The following FIGN variants were observed in gnomAD, a reference collection of about 807,000 sequenced individuals.
FIGN encodes the protein fidgetin, microtubule severing factor.
A neutral mutation model predicts 51.3 loss-of-function variants in FIGN; 11 were observed. The ratio of observed to expected loss-of-function variants is 0.21; its 90% CI spans 0.13 to 0.35. The LOEUF is 0.35. Ranked by LOEUF, FIGN falls within the 10% of genes least tolerant of loss-of-function variation. The probability of loss-of-function intolerance (pLI) is 1.00; values close to 1 mark genes in which losing one functional copy is unlikely to be tolerated. For missense variants in FIGN, 857 were observed against 943.6 expected (o/e 0.91, Z 1.20); for synonymous variants, 407 against 363.2 (o/e 1.12, Z -1.37).
intron 2 of FIGN, among the ~76,000 whole-genome samples, chr2:163,668,023 C>CCG (rs1683812060): frequency 6.7e-6 from 1 of 149,470 alleles, no homozygotes. Flanking sequence ...AACCCCCCCC[C>CCG]CCAAAAAACC....
At chr2:163,704,731 C>T (rs1477932514) in intron 2 of FIGN, among the ~76,000 whole-genome samples, 3 of 148,038 alleles carry the variant, frequency 2.0e-5, no homozygotes, top group African/African-American at 5.0e-5. Context: ...TACTATTCAC[C>T]GTTAGTAAGA....
Position 163,610,858 on chromosome 2 carries a change from C to T in FIGN, c.974G>A (p.Gly325Glu), listed in dbSNP as rs201111311. 6.8e-6 allele frequency: 11 copies of T among 1,613,916 alleles called. No homozygotes were observed. In the Admixed American group the frequency reaches 1.5e-4, roughly 22 times the overall value. ...SLKRKAFYMA[G>E]QGDMDSSYGN... ...ATAACTGGAGTCCATATCTCCTTGCCCTGCCATGTAGAAAGCTTTCCTTTT... is the reference window on the plus strand; with the variant it reads ...ATAACTGGAGTCCATATCTCCTTGCTCTGCCATGTAGAAAGCTTTCCTTTT... Residue 325 changes from glycine to glutamate, a missense_variant, in exon 3 of 3, where the codon GGG becomes GAG. Coordinates refer to ENST00000333129, the MANE Select transcript of FIGN (RefSeq NM_018086.4).
intron 2 of FIGN, among the ~76,000 whole-genome samples, chr2:163,624,710 T>TA (rs57025851): frequency 0.58 from 67,488 of 117,050 alleles, 17,260 homozygotes; most frequent in Middle Eastern, 0.72. Flanking sequence ...ATATATATAT[T>TA]TTTTTTTTTC....
At position 163,604,663 on chromosome 2, in the gene FIGN, T is replaced by G. The variant is rs1416105939; in HGVS notation, c.*4889A>C. 6.6e-6 allele frequency: 1 copy of G among 151,872 alleles called. No homozygotes were observed. Among genetic ancestry groups the G allele is most frequent in the Non-Finnish European group, 1.5e-5 (1 of 67,954 alleles). 9.4% of individuals were successfully genotyped at this position (151,872 alleles called of 1,614,324 possible). On this transcript the variant is annotated 3_prime_UTR_variant, in exon 3 of 3. Transcript: ENST00000333129. ...TATGTAGCAATGAGGTAGAAATGGT[T>G]ATAAAGAACAATGTTTGAATATACA...
intron 2 of FIGN, among the ~76,000 whole-genome samples, chr2:163,730,962 CTTTCTA>C (rs1181972945): frequency 7.9e-5 from 12 of 152,078 alleles, no homozygotes; most frequent in African/African-American, 2.9e-4. Context: ...AAAATAGCAC[CTTTCTA>C]TTTCTATTAA....
Position 163,609,205 on chromosome 2 carries a change from T to C in FIGN, c.*347A>G. ...AAAATAAAGCACCACTCCAGGCACT[T>C]GACAGCAACTAAATCTCGAGAACAG... On this transcript the variant is annotated 3_prime_UTR_variant, in exon 3 of 3. Transcript: ENST00000333129. 1 of 228,022 alleles carries C rather than the reference T, an allele frequency of 4.4e-6. No homozygotes were observed. Among genetic ancestry groups the C allele is most frequent in the Non-Finnish European group, 8.6e-6 (1 of 116,734 alleles). 14.1% of individuals were successfully genotyped at this position (228,022 alleles called of 1,614,324 possible).
intron 2 of FIGN, among the ~76,000 whole-genome samples, chr2:163,665,628 A>T (rs1683760606): frequency 6.6e-6 from 1 of 152,214 alleles, no homozygotes; most frequent in Non-Finnish European, 1.5e-5. Context: ...ATGACAAAAA[A>T]ATTGAAAAGA....
chr2:163,645,386 T>G (rs1235244766), intron 2 of FIGN, among the ~76,000 whole-genome samples: 1 of 152,148 alleles, frequency 6.6e-6, no homozygotes, highest in South Asian at 2.1e-4. Flanking sequence ...AAACCTCTAT[T>G]TGAACCCTAA....
At chr2:163,614,231 TGAAATGACC>T (rs1573903561) in intron 2 of FIGN, among the ~76,000 whole-genome samples, 1 of 152,066 alleles carries the variant, frequency 6.6e-6, no homozygotes, top group Non-Finnish European at 1.5e-5. Flanking sequence ...GCAAAATGGG[TGAAATGACC>T]GAAACCACAC....
At chr2:163,632,377 C>T (rs1480567080) in intron 2 of FIGN, among the ~76,000 whole-genome samples, 1 of 152,204 alleles carries the variant, frequency 6.6e-6, no homozygotes, top group Admixed American at 6.5e-5. Flanking sequence ...TGCTCTCACT[C>T]TCTACCATCC....
chr2:163,605,759 A>G lies in FIGN; in HGVS notation c.*3793T>C, dbSNP rs1252950020. On this transcript the variant is annotated 3_prime_UTR_variant, in exon 3 of 3. Coordinates refer to ENST00000333129, the MANE Select transcript of FIGN (RefSeq NM_018086.4). ...CTACCCAATTCTAAGAAACATGAGA[A>G]TGTGAGTACAGAAGTCTCTTTCTGC... is the stretch of plus-strand genomic sequence containing the variant. The G allele has an allele frequency of 6.6e-6, 1 of 152,052 alleles. No individual in the cohort carries two copies. The highest frequency in any genetic ancestry group is 1.9e-4 in the East Asian group (1 of 5,186). 9.4% of individuals were successfully genotyped at this position (152,052 alleles called of 1,614,324 possible).
chr2:163,673,640 G>A (rs1229863168), intron 2 of FIGN, among the ~76,000 whole-genome samples: 1 of 152,114 alleles, frequency 6.6e-6, no homozygotes, highest in Non-Finnish European at 1.5e-5. Context: ...CACCTTGCAA[G>A]AAGAAAACGG....
chr2:163,661,729 C>T (rs534020617), intron 2 of FIGN, among the ~76,000 whole-genome samples: 5 of 152,196 alleles, frequency 3.3e-5, no homozygotes, highest in Non-Finnish European at 5.9e-5. Context: ...ATGCTATTCC[C>T]GTGTTAGTGA....
At chr2:163,659,102 T>C (rs1683610382) in intron 2 of FIGN, among the ~76,000 whole-genome samples, 2 of 152,070 alleles carry the variant, frequency 1.3e-5, no homozygotes, top group South Asian at 4.1e-4. Flanking sequence ...AGATGTTCTA[T>C]AGTAATTACA....
Position 163,610,780 on chromosome 2 carries a change from AT to A in FIGN, c.1051del (p.Met351CysfsTer24), listed in dbSNP as rs747703332. The stretch of plus-strand genomic sequence containing the variant: ...TGTGTTTGAAATGCTGTTGTCGGGC[AT>A]TCTGTACATAGGACTCTGTGTAGAT... ...QRSTQSPMYR[M>X]PDNSISNTNR... On this transcript the variant is annotated frameshift_variant, in exon 3 of 3. Coordinates refer to ENST00000333129, the MANE Select transcript of FIGN (RefSeq NM_018086.4). LOFTEE classifies it high-confidence loss of function. 6.2e-7 allele frequency: 1 copy of A among 1,614,134 alleles called. No individual in the cohort carries two copies.
At chr2:163,617,283 AT>A in intron 2 of FIGN, 1 of 967,682 alleles carries the variant, frequency 1.0e-6, no homozygotes, top group Non-Finnish European at 1.2e-6. Context: ...AAATTAGAAG[AT>A]TTTATAAGCT....
intron 2 of FIGN, among the ~76,000 whole-genome samples, chr2:163,660,541 C>T (rs943664530): frequency 2.0e-5 from 3 of 151,198 alleles, no homozygotes; most frequent in Admixed American, 6.6e-5. Flanking sequence ...CAAGTCAAGA[C>T]TTAATTTCAT....
At chr2:163,711,999 G>A (rs180972759) in intron 2 of FIGN, among the ~76,000 whole-genome samples, 2 of 151,710 alleles carry the variant, frequency 1.3e-5, no homozygotes, top group Admixed American at 6.6e-5. Flanking sequence ...GAACACACAC[G>A]TACACACACT....
At chr2:163,686,668 A>G (rs1684154325) in intron 2 of FIGN, among the ~76,000 whole-genome samples, 1 of 151,952 alleles carries the variant, frequency 6.6e-6, no homozygotes, top group African/African-American at 2.4e-5. Flanking sequence ...TTATTGAATC[A>G]ATTCTAACAG....
Sources: allele counts gnomAD v4.1 joint callset (sites outside exome capture counted in the v4.1 genomes callset), GRCh38; gene constraint gnomAD v4.1.1; transcripts MANE v1.5; gene names NCBI Gene and HGNC (gene_info 2026-07-23, HGNC 2026-07-21).